Variants in SLC25A24 observed in about 807,000 individuals in gnomAD.
SLC25A24 encodes the protein solute carrier family 25 member 24.
SLC25A24 carries 49 observed loss-of-function variants against 60.7 expected under a neutral mutation model. The ratio of observed to expected loss-of-function variants is 0.81; its 90% CI spans 0.64 to 1.02. The LOEUF (loss-of-function observed/expected upper bound fraction) is 1.02, where lower values mean the gene tolerates loss of function less well. SLC25A24 is among the 50% of genes least tolerant of loss of function. The pLI, the probability that SLC25A24 is intolerant of heterozygous loss-of-function variation, is 0.00. For missense variants in SLC25A24, 564 were observed against 586.3 expected, an observed-to-expected ratio of 0.96 and a Z score of 0.39; for synonymous variants, 202 against 200.6, an observed-to-expected ratio of 1.01 and a Z score of -0.06.
chr1:108,161,784 G>A (rs1325028206), intron 3 of SLC25A24, among the ~76,000 whole-genome samples: 2 of 151,980 alleles, frequency 1.3e-5, no homozygotes, highest in African/African-American at 4.8e-5. Flanking sequence ...GTCAGTGACT[G>A]TGCCTTTGAG....
chr1:108,167,448 G>A lies in SLC25A24; in HGVS notation c.399-6155C>T, dbSNP rs536184535. On this transcript the variant is annotated intron_variant, in intron 3 of 9. Coordinates refer to ENST00000565488, the MANE Select transcript of SLC25A24 (RefSeq NM_013386.5). Reference sequence around the variant, plus strand: ...CTGTGCTAGCAATCAGCGAGACTCCGTGGGTGTAGGACCCTCCGAGCCAGG... The same window carrying A: ...CTGTGCTAGCAATCAGCGAGACTCCATGGGTGTAGGACCCTCCGAGCCAGG... Among the ~76,000 whole-genome samples the A allele has an allele frequency of 5.5e-3, 837 of 151,926 alleles. 6 individuals are homozygous for A. Among genetic ancestry groups the A allele is most frequent in the African/African-American group, 0.02 (817 of 41,414 alleles).
At chr1:108,162,819 T>C (rs1680126561) in intron 3 of SLC25A24, among the ~76,000 whole-genome samples, 1 of 150,282 alleles carries the variant, frequency 6.7e-6, no homozygotes, top group Admixed American at 6.6e-5. Context: ...TTTGTCAATT[T>C]TGGCTTTTGT....
At chr1:108,182,339 A>G (rs1647959758) in intron 2 of SLC25A24, among the ~76,000 whole-genome samples, 1 of 152,244 alleles carries the variant, frequency 6.6e-6, no homozygotes, top group African/African-American at 2.4e-5. Flanking sequence ...AAGAAGTAGC[A>G]GAACTAAAAT....
rs565562483 is a variant in SLC25A24 at position 108,171,652 on chromosome 1, T to C, written c.398+10289A>G. On this transcript the variant is annotated intron_variant, in intron 3 of 9. Transcript: ENST00000565488. The stretch of plus-strand genomic sequence containing the variant: ...GTCCATTATTGCAACGTGGTGGACA[T>C]AGAACTGTTAACCAGATACACATGG... Among the ~76,000 whole-genome samples, 21 of 152,336 alleles carry C rather than the reference T, an allele frequency of 1.4e-4. No individual in the cohort carries two copies. In the South Asian group the frequency reaches 4.1e-3, roughly 30 times the overall value.
intron 6 of SLC25A24, among the ~76,000 whole-genome samples, chr1:108,153,359 C>A (rs940193300): frequency 6.6e-6 from 1 of 152,138 alleles, no homozygotes; most frequent in Non-Finnish European, 1.5e-5. Context: ...CTAAAAGTGA[C>A]CTAGTTACAT....
intron 7 of SLC25A24, among the ~76,000 whole-genome samples, chr1:108,146,832 G>A (rs1037398721): frequency 1.3e-5 from 2 of 152,128 alleles, no homozygotes; most frequent in African/African-American, 4.8e-5. Flanking sequence ...TTTTATTGAG[G>A]ATTTTCACAT....
intron 1 of SLC25A24, among the ~76,000 whole-genome samples, chr1:108,196,454 G>C (rs1366941923): frequency 3.9e-5 from 6 of 152,186 alleles, no homozygotes; most frequent in Non-Finnish European, 8.8e-5. Flanking sequence ...AGAAAGTAAA[G>C]CTCCAGTAAG....
chr1:108,165,388 T>C (rs1479714754), intron 3 of SLC25A24, among the ~76,000 whole-genome samples: 1 of 151,046 alleles, frequency 6.6e-6, no homozygotes, highest in East Asian at 2.0e-4. Flanking sequence ...ATGTTGACAG[T>C]GGGGTGTGAA....
Position 108,134,286 on chromosome 1 carries a change from G to C in SLC25A24, c.*2367C>G, listed in dbSNP as rs573812319. ...AAGCAAGAAGCTTACAGAAATAACT[G>C]ATAAGTTATTTCTGAAGTCTGGATA... On this transcript the variant is annotated 3_prime_UTR_variant, in exon 10 of 10. Coordinates refer to ENST00000565488, the MANE Select transcript of SLC25A24 (RefSeq NM_013386.5). The C allele has an allele frequency of 6.6e-6, 1 of 152,160 alleles. No homozygotes were observed. Among genetic ancestry groups the C allele is most frequent in the Non-Finnish European group, 1.5e-5 (1 of 68,028 alleles). The allele number at this position is 152,160 out of a possible 1,614,324, so 9.4% of individuals were successfully genotyped here. A position where few individuals can be genotyped will look rare whatever the true frequency, so the allele number is the denominator to read the frequency against.
rs78807946 is a variant in SLC25A24, at chr1:108,168,808, G to C, written c.399-7515C>G. Among the ~76,000 whole-genome samples the C allele has an allele frequency of 1.2e-3, 187 of 152,304 alleles. 3 individuals are homozygous for C. The East Asian group carries it at 0.033, about 27-fold the overall frequency. ...TTCCACTCTATGCTGTCCAAGTACA[G>C]ATGCTCTTGATTTTAACGCAGCTGA... On this transcript the variant is annotated intron_variant, in intron 3 of 9. Coordinates refer to ENST00000565488, the MANE Select transcript of SLC25A24 (RefSeq NM_013386.5).
intron 5 of SLC25A24, among the ~76,000 whole-genome samples, chr1:108,156,045 T>A (rs1045973012): frequency 6.6e-6 from 1 of 151,712 alleles, no homozygotes; most frequent in South Asian, 2.1e-4. Flanking sequence ...CGGGCCCCAA[T>A]AAGAACTCTG....
At chr1:108,171,578 T>C (rs75666409) in intron 3 of SLC25A24, among the ~76,000 whole-genome samples, 1,953 of 152,256 alleles carry the variant, frequency 0.013, 43 homozygotes, top group African/African-American at 0.045. Flanking sequence ...CCCTTTTCAG[T>C]AGCATAATTC....
rs113866435 is a variant in SLC25A24 at position 108,135,595 on chromosome 1, T to G, written c.*1058A>C. 1.3e-5 allele frequency: 2 copies of G among 152,362 alleles called. No homozygotes were observed. The highest frequency in any genetic ancestry group is 4.8e-5 in the African/African-American group (2 of 41,588). The allele number at this position is 152,362 out of a possible 1,614,324, so 9.4% of individuals were successfully genotyped here. A position where few individuals can be genotyped will look rare whatever the true frequency, so the allele number is the denominator to read the frequency against. On this transcript the variant is annotated 3_prime_UTR_variant, in exon 10 of 10. Transcript: ENST00000565488. Reference sequence around the variant, plus strand: ...GAATATGAATGTATATGTTTACAAATTGGGCCTTTCATTTAAATATAGGTA... The same window carrying G: ...GAATATGAATGTATATGTTTACAAAGTGGGCCTTTCATTTAAATATAGGTA...
At chr1:108,186,379 G>C (rs1648125656) in intron 1 of SLC25A24, among the ~76,000 whole-genome samples, 1 of 151,930 alleles carries the variant, frequency 6.6e-6, no homozygotes, top group African/African-American at 2.4e-5. Flanking sequence ...AACATAGTGA[G>C]ACCTCATCTC....
intron 6 of SLC25A24, among the ~76,000 whole-genome samples, chr1:108,152,026 T>C (rs1345652300): frequency 6.6e-6 from 1 of 152,174 alleles, no homozygotes; most frequent in African/African-American, 2.4e-5. Context: ...ATTATTTAAA[T>C]ATTCTCCCTG....
At chr1:108,161,681 C>A (rs1443509426) in intron 3 of SLC25A24, among the ~76,000 whole-genome samples, 1 of 152,098 alleles carries the variant, frequency 6.6e-6, no homozygotes, top group Non-Finnish European at 1.5e-5. Flanking sequence ...TGTTCTATTG[C>A]AACATTTGAA....
intron 1 of SLC25A24, 105 bp downstream of exon 1, chr1:108,199,851 T>C: frequency 1.1e-6 from 1 of 877,668 alleles, no homozygotes; most frequent in East Asian, 2.7e-5. Context: ...AGTTCCTCCT[T>C]CCTCTCCTGG....
chr1:108,158,078 CATG>C (rs757818469), intron 4 of SLC25A24, among the ~76,000 whole-genome samples: 11 of 152,052 alleles, frequency 7.2e-5, no homozygotes, highest in East Asian at 1.9e-4. Flanking sequence ...ATATTTATAC[CATG>C]ATATGTTTTA....
At chr1:108,199,274 G>A (rs1459553172) in intron 1 of SLC25A24, 1 of 152,178 alleles carries the variant, frequency 6.6e-6, no homozygotes, top group East Asian at 1.9e-4. Flanking sequence ...CTTCAACAGG[G>A]TTGGAGAAGT....
Sources: allele counts gnomAD v4.1 joint callset (sites outside exome capture counted in the v4.1 genomes callset), GRCh38; gene constraint gnomAD v4.1.1; transcripts MANE v1.5; gene names NCBI Gene and HGNC (gene_info 2026-07-23, HGNC 2026-07-21).